SRFBP1: variants seen among roughly 807,000 people sequenced by gnomAD.
SRFBP1 encodes the protein serum response factor-binding protein 1.
A neutral mutation model predicts 45.5 loss-of-function variants in SRFBP1; 47 were observed. The observed-to-expected ratio is 1.03, with a 90% confidence interval of 0.82 to 1.32. The LOEUF is 1.32. Among genes scored for constraint, SRFBP1 ranks in the 40% most tolerant of loss-of-function variants. SRFBP1 has a pLI of 0.00. For missense variants in SRFBP1, 621 were observed against 484.6 expected, an observed-to-expected ratio of 1.28 and a Z score of -2.64; for synonymous variants, 203 against 166.3, an observed-to-expected ratio of 1.22 and a Z score of -1.70.
At chr5:122,030,323 GCCTTATTCTAATCTGCTTC>G (rs1753568808), downstream of SRFBP1, among the ~76,000 whole-genome samples, 1 of 152,182 alleles carries the variant, frequency 6.6e-6, no homozygotes, top group Non-Finnish European at 1.5e-5. Context: ...GTGAAACCTT[GCCTTATTCTAATCTGCTTC>G]CCAGATTCAT....
chr5:122,049,494 A>C (rs1291620112), intron 2 of SRFBP1, among the ~76,000 whole-genome samples: 1 of 152,176 alleles, frequency 6.6e-6, no homozygotes, highest in Non-Finnish European at 1.5e-5. Flanking sequence ...AAGGATATCC[A>C]GGAATTGAAC....
rs1753529575 is a variant in SRFBP1, at chr5:122,028,271, C to A, written c.*1145C>A. The A allele has an allele frequency of 6.6e-6, 1 of 152,178 alleles. No individual in the cohort carries two copies. The highest frequency in any genetic ancestry group is 2.4e-5 in the African/African-American group (1 of 41,448). The allele number at this position is 152,178 out of a possible 1,614,324, so 9.4% of individuals were successfully genotyped here. ...AGGCCATCTGGTTAACCTGTATTCA[C>A]AAACTCTCAAGAGTTTCTACTTATT... is the stretch of plus-strand genomic sequence containing the variant. On this transcript the variant is annotated 3_prime_UTR_variant, in exon 8 of 8. Transcript: ENST00000339397.
downstream of SRFBP1, among the ~76,000 whole-genome samples, chr5:122,029,729 A>G (rs936174190): frequency 5.3e-5 from 8 of 152,102 alleles, no homozygotes; most frequent in Non-Finnish European, 1.2e-4. Flanking sequence ...AGTTACGGTT[A>G]TCCTTTGCCA....
At chr5:122,069,560 A>G (rs944460584) in intron 2 of SRFBP1, among the ~76,000 whole-genome samples, 1 of 152,096 alleles carries the variant, frequency 6.6e-6, no homozygotes, top group African/African-American at 2.4e-5. Context: ...GTATTTTCCT[A>G]GTATCAATGG....
chr5:121,969,528 A>G lies in SRFBP1; in HGVS notation c.37-4668A>G, dbSNP rs191514175. On this transcript the variant is annotated intron_variant, in intron 1 of 7. Transcript: ENST00000339397. ...TCACATGGTCTTTTCTCAAATAGCT[A>G]TATTAGACTTCCACTTTATTTATAG... Among the ~76,000 whole-genome samples the G allele has an allele frequency of 4.6e-5, 7 of 152,032 alleles. No individual in the cohort carries two copies. The East Asian group carries it at 7.8e-4, about 17-fold the overall frequency.
chr5:122,077,895 G>C (rs1307475150), downstream of SRFBP1: 2 of 1,521,890 alleles, frequency 1.3e-6, no homozygotes, highest in Non-Finnish European at 1.7e-6. The surrounding 1 kb of genome is among the most constrained non-coding windows in gnomAD (Gnocchi z 4.9). Flanking sequence ...TCGCGCGGGG[G>C]CTGCTGTTGG....
At chr5:121,967,014 C>G (rs1008483294) in intron 1 of SRFBP1, among the ~76,000 whole-genome samples, 1 of 146,532 alleles carries the variant, frequency 6.8e-6, no homozygotes, top group African/African-American at 2.5e-5. Context: ...AGGATGGTCT[C>G]GATCTCCTGA....
intron 4 of SRFBP1, among the ~76,000 whole-genome samples, chr5:122,015,947 AT>A (rs1753186337): frequency 6.6e-6 from 1 of 152,152 alleles, no homozygotes; most frequent in Non-Finnish European, 1.5e-5. Flanking sequence ...ATCTCCTGAT[AT>A]CCCCCCTTCA....
chr5:122,074,281 A>C, intron 2 of SRFBP1: 6 of 850,440 alleles, frequency 7.1e-6, no homozygotes, highest in Non-Finnish European at 1.1e-5. Context: ...ATTAAAATTG[A>C]GACCAAATTT....
downstream of SRFBP1, chr5:122,077,775 C>T (rs777539218): frequency 6.5e-6 from 10 of 1,548,904 alleles, no homozygotes; most frequent in South Asian, 1.2e-4. This position sits in a 1 kb window ranked among gnomAD's most constrained non-coding sequence, Gnocchi z 4.9. Context: ...GCGCCCGGGT[C>T]CCGGCGGCGC....
downstream of SRFBP1, among the ~76,000 whole-genome samples, chr5:122,032,077 A>G (rs1038163239): frequency 6.6e-6 from 1 of 152,218 alleles, no homozygotes; most frequent in Non-Finnish European, 1.5e-5. Flanking sequence ...GTGAATATAC[A>G]GGATCCACTG....
At chr5:122,071,225 A>C (rs1255464558) in intron 2 of SRFBP1, among the ~76,000 whole-genome samples, 4 of 151,380 alleles carry the variant, frequency 2.6e-5, no homozygotes. Flanking sequence ...GTGTGTATAA[A>C]AATTCAATTT....
downstream of SRFBP1, among the ~76,000 whole-genome samples, chr5:122,029,911 A>G (rs567680550): frequency 3.3e-5 from 5 of 152,282 alleles, no homozygotes; most frequent in Admixed American, 1.3e-4. Context: ...GCTGTCTCCT[A>G]TGTCCTTTTA....
At chr5:121,972,219 A>G (rs898301418) in intron 1 of SRFBP1, among the ~76,000 whole-genome samples, 4 of 151,964 alleles carry the variant, frequency 2.6e-5, no homozygotes, top group African/African-American at 9.7e-5. Flanking sequence ...CAGTTAAAAG[A>G]TAAACTCAGA....
chr5:122,010,169 C>G (rs979389282), intron 4 of SRFBP1, among the ~76,000 whole-genome samples: 1 of 152,116 alleles, frequency 6.6e-6, no homozygotes, highest in African/African-American at 2.4e-5. Context: ...TATTAACTCC[C>G]TATGGCTTTC....
intron 6 of SRFBP1, among the ~76,000 whole-genome samples, chr5:122,021,445 T>C (rs1753319518): frequency 6.6e-6 from 1 of 152,148 alleles, no homozygotes; most frequent in Admixed American, 6.5e-5. Flanking sequence ...CTATAAACTG[T>C]TTTTGCATAT....
At chr5:121,965,854 C>T (rs1207793718) in intron 1 of SRFBP1, among the ~76,000 whole-genome samples, 3 of 152,162 alleles carry the variant, frequency 2.0e-5, no homozygotes, top group African/African-American at 7.2e-5. Context: ...TATGTGTCCT[C>T]TCTTATTTCC....
chr5:122,078,227 C>T (rs1182465064), downstream of SRFBP1: 25 of 406,476 alleles, frequency 6.2e-5, no homozygotes, highest in African/African-American at 2.1e-5. Flanking sequence ...CAACGGGGAG[C>T]GGCGCGGCAG....
At chr5:122,078,656 G>C (rs1407326508), downstream of SRFBP1, among the ~76,000 whole-genome samples, 2 of 152,164 alleles carry the variant, frequency 1.3e-5, no homozygotes, top group African/African-American at 2.4e-5. Context: ...GAGGGTGCTG[G>C]GGGTGAGAGG....
Sources: allele counts gnomAD v4.1 joint callset (sites outside exome capture counted in the v4.1 genomes callset), GRCh38; gene constraint gnomAD v4.1.1; non-coding constraint Gnocchi (gnomAD v3.1); transcripts MANE v1.5; gene names NCBI Gene and HGNC (gene_info 2026-07-23, HGNC 2026-07-21).